The following THSD7B variants were observed in gnomAD, a reference collection of about 807,000 sequenced individuals.
THSD7B encodes thrombospondin type 1 domain containing 7B, also known as thrombospondin type-1 domain-containing protein 7B.
In THSD7B, 138 loss-of-function variants were observed where a neutral mutation model predicts 213.6. That is an observed-to-expected ratio of 0.65 (90% CI 0.56 to 0.74). The LOEUF is 0.74. Among genes scored for constraint, THSD7B ranks in the 30% least tolerant of loss-of-function variants. The probability of loss-of-function intolerance (pLI) is 0.00; values close to 1 mark genes in which losing one functional copy is unlikely to be tolerated. For missense variants in THSD7B, 1,931 were observed against 1,991.5 expected (o/e 0.97, Z 0.58); for synonymous variants, 742 against 687.0 (o/e 1.08, Z -1.25).
At chr2:137,412,168 C>T (rs1430400431) in intron 14 of THSD7B, among the ~76,000 whole-genome samples, 1 of 151,944 alleles carries the variant, frequency 6.6e-6, no homozygotes, top group African/African-American at 2.4e-5. Context: ...ACTGAGAAAG[C>T]CAAAGCCAAA....
intron 15 of THSD7B, among the ~76,000 whole-genome samples, chr2:137,546,624 C>G (rs1403079801): frequency 2.1e-5 from 3 of 140,262 alleles, no homozygotes; most frequent in Admixed American, 7.5e-5. Context: ...TTGTTTTTTA[C>G]AGAAAATATG....
intron 17 of THSD7B, among the ~76,000 whole-genome samples, chr2:137,578,788 C>G (rs1273777515): frequency 6.6e-6 from 1 of 151,998 alleles, no homozygotes; most frequent in Non-Finnish European, 1.5e-5. Flanking sequence ...TTCTTTTTTA[C>G]AAGGTAACAT....
intron 2 of THSD7B, among the ~76,000 whole-genome samples, chr2:136,927,095 C>G (rs2105041725): frequency 6.6e-6 from 1 of 151,986 alleles, no homozygotes. Flanking sequence ...TATGCCTCAG[C>G]TATATATTCT....
chr2:137,190,856 C>T (rs1258821446), intron 7 of THSD7B, among the ~76,000 whole-genome samples: 1 of 152,222 alleles, frequency 6.6e-6, no homozygotes, highest in East Asian at 1.9e-4. Flanking sequence ...TCAGCTGTCA[C>T]TGCTGCTCTA....
intron 26 of THSD7B, among the ~76,000 whole-genome samples, chr2:137,663,921 G>A (rs993470668): frequency 6.6e-6 from 1 of 151,698 alleles, no homozygotes; most frequent in Non-Finnish European, 1.5e-5. Flanking sequence ...GTGTGATCTC[G>A]GCTTACTGCG....
chr2:137,587,480 G>T (rs940093780), intron 17 of THSD7B, among the ~76,000 whole-genome samples: 12 of 152,078 alleles, frequency 7.9e-5, no homozygotes, highest in Admixed American at 5.9e-4. Flanking sequence ...TCTACCTTTG[G>T]TCTTTGATGA....
intron 4 of THSD7B, among the ~76,000 whole-genome samples, chr2:137,108,416 T>C (rs1248506851): frequency 6.6e-6 from 1 of 152,242 alleles, no homozygotes; most frequent in Non-Finnish European, 1.5e-5. Flanking sequence ...CCTCTACTTA[T>C]TGCTTCACAG....
intron 12 of THSD7B, among the ~76,000 whole-genome samples, chr2:137,279,851 T>C (rs879390541): frequency 1.3e-5 from 2 of 152,190 alleles, no homozygotes; most frequent in African/African-American, 4.8e-5. Context: ...AAAAAGGATC[T>C]TTGTAGATGT....
chr2:137,266,101 T>A (rs995112461), intron 10 of THSD7B, among the ~76,000 whole-genome samples: 14 of 152,188 alleles, frequency 9.2e-5, no homozygotes, highest in African/African-American at 3.4e-4. Flanking sequence ...TTACAGAAAA[T>A]TTAACTATTG....
chr2:137,355,563 G>A (rs1013224174), intron 12 of THSD7B, among the ~76,000 whole-genome samples: 10 of 152,088 alleles, frequency 6.6e-5, no homozygotes, highest in African/African-American at 2.4e-4. Flanking sequence ...AGACCTGAGA[G>A]GGGACCAGAG....
At chr2:137,273,663 G>T (rs1048228603) in intron 11 of THSD7B, among the ~76,000 whole-genome samples, 1 of 151,984 alleles carries the variant, frequency 6.6e-6, no homozygotes, top group Non-Finnish European at 1.5e-5. Context: ...GTTGAAGAAG[G>T]TCTAAATTAC....
At chr2:137,673,327 C>CCAA (rs1337658267) in intron 27 of THSD7B, among the ~76,000 whole-genome samples, 1 of 152,134 alleles carries the variant, frequency 6.6e-6, no homozygotes, top group African/African-American at 2.4e-5. Flanking sequence ...ATGCTGTGTG[C>CCAA]CAACTCTAAA....
chr2:137,259,093 C>T (rs1413936999), intron 10 of THSD7B, among the ~76,000 whole-genome samples: 1 of 152,080 alleles, frequency 6.6e-6, no homozygotes, highest in Non-Finnish European at 1.5e-5. Flanking sequence ...CATTGATGGG[C>T]ATTTGGGTTG....
At chr2:137,567,589 A>T (rs1681265216) in intron 16 of THSD7B, among the ~76,000 whole-genome samples, 1 of 152,160 alleles carries the variant, frequency 6.6e-6, no homozygotes, top group Admixed American at 6.5e-5. Context: ...GGTGATGCAA[A>T]AGTCAAATTT....
chr2:137,056,110 A>G (rs1369274244), intron 2 of THSD7B, among the ~76,000 whole-genome samples: 5 of 152,214 alleles, frequency 3.3e-5, no homozygotes, highest in Non-Finnish European at 5.9e-5. Context: ...TCTACTTGAC[A>G]CATTGTATCA....
chr2:137,216,279 C>A (rs1681241126), intron 7 of THSD7B, among the ~76,000 whole-genome samples: 1 of 6,562 alleles, frequency 1.5e-4, no homozygotes, highest in Admixed American at 9.5e-4. Flanking sequence ...CCCCCGCCCC[C>A]CACCCCCCTG....
At chr2:136,899,864 G>A (rs1392515616) in intron 2 of THSD7B, among the ~76,000 whole-genome samples, 1 of 152,160 alleles carries the variant, frequency 6.6e-6, no homozygotes, top group African/African-American at 2.4e-5. Context: ...ATATGCCAGT[G>A]GATGCTTAGC....
intron 5 of THSD7B, among the ~76,000 whole-genome samples, chr2:137,156,582 CA>C (rs1679913044): frequency 6.6e-6 from 1 of 152,130 alleles, no homozygotes; most frequent in South Asian, 2.1e-4. Flanking sequence ...AAGTATTTAT[CA>C]AAGGGGACTC....
At chr2:136,858,916 G>A (rs1049990263) in intron 1 of THSD7B, among the ~76,000 whole-genome samples, 6 of 152,314 alleles carry the variant, frequency 3.9e-5, no homozygotes, top group African/African-American at 1.4e-4. Flanking sequence ...CATAATGGGA[G>A]TGACAGCAGG....
Sources: gnomAD v4.1 joint callset for allele counts (sites outside exome capture counted in the v4.1 genomes callset) on GRCh38, gnomAD v4.1.1 for gene constraint, MANE v1.5 for transcripts, NCBI Gene and HGNC (gene_info 2026-07-23, HGNC 2026-07-21) for gene names.